FBRSL1: variants seen among roughly 807,000 people sequenced by gnomAD.
The protein encoded by FBRSL1 is fibrosin like 1.
A neutral mutation model predicts 89.6 loss-of-function variants in FBRSL1; 51 were observed. The ratio of observed to expected loss-of-function variants is 0.57; its 90% CI spans 0.45 to 0.72. The LOEUF is 0.72. Among genes scored for constraint, FBRSL1 ranks in the 30% least tolerant of loss-of-function variants. The pLI is 0.00. For missense variants in FBRSL1, 1,618 were observed against 1,451.8 expected (o/e 1.11, Z -1.86); for synonymous variants, 779 against 681.1 (o/e 1.14, Z -2.24).
chr12:132,578,223 T>G (rs1566244342), intron 15 of FBRSL1, among the ~76,000 whole-genome samples: 1 of 152,124 alleles, frequency 6.6e-6, no homozygotes, highest in Non-Finnish European at 1.5e-5. Context: ...CGCACGCCCG[T>G]GGTCCCAGCT....
intron 15 of FBRSL1, among the ~76,000 whole-genome samples, chr12:132,579,387 T>C (rs2040595567): frequency 6.6e-6 from 1 of 152,244 alleles, no homozygotes; most frequent in South Asian, 2.1e-4. Flanking sequence ...GAATTACTCA[T>C]AGATGCTTTA....
At chr12:132,547,710 T>C (rs1441400667) in intron 4 of FBRSL1, among the ~76,000 whole-genome samples, 4 of 152,184 alleles carry the variant, frequency 2.6e-5, no homozygotes, top group Non-Finnish European at 4.4e-5. Context: ...CAGTGAGGGC[T>C]CCTCTCGGGC....
At chr12:132,557,104 G>A (rs530138602) in intron 5 of FBRSL1, among the ~76,000 whole-genome samples, 3 of 152,304 alleles carry the variant, frequency 2.0e-5, no homozygotes, top group Non-Finnish European at 2.9e-5. Context: ...CTGCACTCCT[G>A]GTTAATGGTT....
chr12:132,511,557 G>T, intron 2 of FBRSL1: 7 of 985,670 alleles, frequency 7.1e-6, no homozygotes, highest in Non-Finnish European at 8.4e-6. Flanking sequence ...CCTCAGGGGA[G>T]CTGGGCAGGC....
At chr12:132,569,840 C>T (rs2039885086) in intron 6 of FBRSL1, 86 bp from the exon 7 acceptor site, 1 of 1,058,132 alleles carries the variant, frequency 9.5e-7, no homozygotes, top group Admixed American at 4.2e-5. Flanking sequence ...AGCCTGGGCA[C>T]CGGGCACGTA....
At chr12:132,551,411 C>G (rs1382232910) in intron 5 of FBRSL1, 1 of 456,282 alleles carries the variant, frequency 2.2e-6, no homozygotes, top group Admixed American at 2.3e-5. Context: ...AGCAGCCGTG[C>G]AGGGAACAGC....
chr12:132,581,314 G>A (rs1246667493), intron 15 of FBRSL1, 125 bp from the exon 16 acceptor site: 2 of 1,537,972 alleles, frequency 1.3e-6, no homozygotes, highest in Non-Finnish European at 1.8e-6. Flanking sequence ...ACCCCTCAGG[G>A]CATGCGAGAG....
chr12:132,578,181 C>T (rs1435001323), intron 15 of FBRSL1, among the ~76,000 whole-genome samples: 1 of 152,168 alleles, frequency 6.6e-6, no homozygotes, highest in Non-Finnish European at 1.5e-5. Flanking sequence ...AAAAGAAAAC[C>T]TTATGAGGCA....
intron 1 of FBRSL1, among the ~76,000 whole-genome samples, chr12:132,495,535 T>G (rs1377286294): frequency 6.6e-6 from 1 of 152,160 alleles, no homozygotes; most frequent in African/African-American, 2.4e-5. Context: ...GCCCAGGAAC[T>G]CCTTGTGGCT....
At chr12:132,513,245 T>A (rs2034532052) in intron 2 of FBRSL1, among the ~76,000 whole-genome samples, 1 of 152,170 alleles carries the variant, frequency 6.6e-6, no homozygotes. Flanking sequence ...TTGGCTCCCA[T>A]CACAGGCAGC....
At chr12:132,498,623 C>T (rs2032453351) in intron 1 of FBRSL1, among the ~76,000 whole-genome samples, 1 of 152,212 alleles carries the variant, frequency 6.6e-6, no homozygotes, top group South Asian at 2.1e-4. Context: ...TGTCCAGATC[C>T]CCTGGGAGCT....
At chr12:132,528,386 C>T (rs780228917) in intron 4 of FBRSL1, among the ~76,000 whole-genome samples, 5 of 152,150 alleles carry the variant, frequency 3.3e-5, no homozygotes, top group Non-Finnish European at 5.9e-5. Context: ...GGGCCTGGGA[C>T]ATTTGGTGTG....
At chr12:132,580,503 T>C (rs1448261062) in intron 15 of FBRSL1, among the ~76,000 whole-genome samples, 3 of 152,220 alleles carry the variant, frequency 2.0e-5, no homozygotes, top group Admixed American at 2.0e-4. Context: ...GTTGAGAATA[T>C]TAATTCCTCA....
intron 2 of FBRSL1, among the ~76,000 whole-genome samples, chr12:132,514,946 G>A (rs903870069): frequency 8.6e-5 from 13 of 152,034 alleles, no homozygotes; most frequent in Non-Finnish European, 1.3e-4. Flanking sequence ...TGTAGAGTCT[G>A]GGAAAGCCAG....
intron 3 of FBRSL1, among the ~76,000 whole-genome samples, chr12:132,527,209 G>T (rs981622653): frequency 2.6e-5 from 4 of 152,144 alleles, no homozygotes; most frequent in Non-Finnish European, 5.9e-5. Context: ...CCAAAGTCCT[G>T]CAACCATGGA....
intron 5 of FBRSL1, chr12:132,551,768 G>A: frequency 2.8e-6 from 1 of 361,202 alleles, no homozygotes; most frequent in Admixed American, 3.4e-5. Flanking sequence ...CAGCTGACGG[G>A]AGGCTCGGGC....
intron 3 of FBRSL1, among the ~76,000 whole-genome samples, chr12:132,526,092 C>T (rs1030796850): frequency 3.9e-5 from 6 of 152,262 alleles, no homozygotes; most frequent in Non-Finnish European, 7.3e-5. Context: ...CTCATTAGGA[C>T]TTTCCCATTA....
At chr12:132,581,084 C>CTT (rs754629081) in intron 15 of FBRSL1, 80 of 985,352 alleles carry the variant, frequency 8.1e-5, no homozygotes, top group Non-Finnish European at 9.0e-5. Flanking sequence ...GGTGAAAGCT[C>CTT]TGAGATAAAG....
rs758254775 is a variant in FBRSL1 at position 132,508,243 on chromosome 12, G to A, written c.382G>A (p.Ala128Thr). The A allele has an allele frequency of 8.4e-6, 13 of 1,550,796 alleles. No homozygotes were observed. The highest frequency in any genetic ancestry group is 4.1e-5 in the African/African-American group (3 of 73,038). ...KPRESETCPPAEPSENRRPLE... is the reference protein window; with the variant it reads ...KPRESETCPPTEPSENRRPLE... ...CCGGGAGTCGGAAACCTGCCCCCCT[G>A]CGGAGCCCAGTGAGAACAGGCGGCC... is the stretch of plus-strand genomic sequence containing the variant. Residue 128 changes from alanine (A) to threonine (T), a missense_variant, in exon 2 of 19, where the codon GCG (alanine) becomes ACG (threonine). Physicochemically the swap from Ala to Thr is moderately conservative, Grantham distance 58. Transcript: ENST00000680143.
Sources: allele counts gnomAD v4.1 joint callset (sites outside exome capture counted in the v4.1 genomes callset), GRCh38; gene constraint gnomAD v4.1.1; transcripts MANE v1.5; gene names NCBI Gene and HGNC (gene_info 2026-07-23, HGNC 2026-07-21).